The following BLOC1S5 variants were observed in gnomAD, a reference collection of about 807,000 sequenced individuals.
BLOC1S5 encodes biogenesis of lysosome-related organelles complex 1 subunit 5.
BLOC1S5 carries 27 observed loss-of-function variants against 24.3 expected under a neutral mutation model. The observed-to-expected ratio is 1.11, with a 90% CI of 0.82 to 1.53. BLOC1S5 has a LOEUF of 1.53. Among genes scored for constraint, BLOC1S5 ranks in the 40% most tolerant of loss-of-function variants. BLOC1S5 has a pLI of 0.00. For synonymous variants in BLOC1S5, 84 were observed against 74.5 expected, an observed-to-expected ratio of 1.13 and a Z score of -0.66; for missense variants, 239 against 229.4, an observed-to-expected ratio of 1.04 and a Z score of -0.27.
At position 8,035,083 on chromosome 6, in the gene BLOC1S5, A is replaced by G. The variant is rs980597191; in HGVS notation, c.325+6056T>C. Among the ~76,000 whole-genome samples the G allele has an allele frequency of 5.3e-5, 8 of 152,316 alleles. No homozygotes were observed. In the South Asian group the frequency reaches 1.7e-3, roughly 32 times the overall value. ...TACAGACCATTATTCTAAGTAAAGT[A>G]ACTCAGGAATAGAAAACCAAACGTC... On this transcript the variant is annotated intron_variant, in intron 3 of 4. Coordinates refer to ENST00000397457, the MANE Select transcript of BLOC1S5 (RefSeq NM_201280.3).
At chr6:8,060,949 C>T (rs13210823) in intron 2 of BLOC1S5, among the ~76,000 whole-genome samples, 21,018 of 152,156 alleles carry the variant, frequency 0.14, 1,778 homozygotes, top group South Asian at 0.27. Context: ...CTCAGCTTCC[C>T]GAGTAGCTGG....
At chr6:8,050,660 C>T (rs906947795) in intron 2 of BLOC1S5, among the ~76,000 whole-genome samples, 2 of 149,864 alleles carry the variant, frequency 1.3e-5, no homozygotes, top group Non-Finnish European at 3.0e-5. Context: ...TGGAGTGCGG[C>T]GGTGTGATCT....
upstream of BLOC1S5, chr6:8,064,411 G>A (rs377444495): frequency 1.8e-5 from 29 of 1,570,388 alleles, no homozygotes; most frequent in Non-Finnish European, 2.4e-5. Context: ...GCCACGCTGC[G>A]CCTGCGCAAA....
intron 2 of BLOC1S5, among the ~76,000 whole-genome samples, chr6:8,048,982 C>T (rs1764006328): frequency 6.7e-6 from 1 of 148,778 alleles, no homozygotes; most frequent in African/African-American, 2.5e-5. Flanking sequence ...CCACTTCACT[C>T]CAGCCTAGGT....
chr6:8,028,364 T>TAA (rs200405748), intron 3 of BLOC1S5, among the ~76,000 whole-genome samples: 2,408 of 146,082 alleles, frequency 0.016, 28 homozygotes, highest in Non-Finnish European at 0.025. Flanking sequence ...AGAAAATATT[T>TAA]AAAAAAAAAA....
At position 8,022,324 on chromosome 6, in the gene BLOC1S5, A is replaced by G. The variant is rs145287533; in HGVS notation, c.384+4043T>C. 1.7e-3 allele frequency among the ~76,000 whole-genome samples: 258 copies of G among 151,336 alleles called. 1 individual carries two copies. Among genetic ancestry groups the G allele is most frequent in the African/African-American group, 6.0e-3 (248 of 41,228 alleles). ...CCCACAATAAGGAATTATCAGGTCC[A>G]AAGTGCCAACAGTGCTGAGGTTGAG... On this transcript the variant is annotated intron_variant, in intron 4 of 4. Coordinates refer to ENST00000397457, the MANE Select transcript of BLOC1S5 (RefSeq NM_201280.3).
chr6:8,043,420 G>C (rs1763759892), intron 2 of BLOC1S5, among the ~76,000 whole-genome samples: 1 of 152,138 alleles, frequency 6.6e-6, no homozygotes, highest in South Asian at 2.1e-4. Context: ...CTTCATCTCT[G>C]TGGTATTCTT....
At chr6:8,048,163 C>T (rs1763969608) in intron 2 of BLOC1S5, among the ~76,000 whole-genome samples, 1 of 152,190 alleles carries the variant, frequency 6.6e-6, no homozygotes, top group South Asian at 2.1e-4. Context: ...CAGATTATCC[C>T]AGCTTTGTCC....
intron 2 of BLOC1S5, among the ~76,000 whole-genome samples, chr6:8,049,005 G>A (rs1393250683): frequency 3.8e-5 from 4 of 104,550 alleles, no homozygotes; most frequent in Admixed American, 1.1e-4. Flanking sequence ...AAGAGACTCC[G>A]CCTCAAAAGA....
At chr6:8,044,332 T>C (rs1416560713) in intron 2 of BLOC1S5, among the ~76,000 whole-genome samples, 1 of 148,790 alleles carries the variant, frequency 6.7e-6, no homozygotes, top group African/African-American at 2.5e-5. Context: ...CCTCCCACCA[T>C]GATTCTGAGG....
chr6:8,024,479 C>A (rs1229145246), intron 4 of BLOC1S5, among the ~76,000 whole-genome samples: 3 of 148,130 alleles, frequency 2.0e-5, no homozygotes, highest in African/African-American at 7.5e-5. Flanking sequence ...TGCACCACTG[C>A]CCTCCAGCCT....
chr6:8,040,789 G>A (rs1282792588), intron 3 of BLOC1S5, among the ~76,000 whole-genome samples: 2 of 151,956 alleles, frequency 1.3e-5, no homozygotes, highest in Non-Finnish European at 2.9e-5. Context: ...CTGGGAGGCC[G>A]AGGTTGTAGT....
chr6:8,041,285 G>A lies in BLOC1S5; in HGVS notation c.196-17C>T. On this transcript the variant is annotated splice_polypyrimidine_tract_variant and intron_variant, in intron 2 of 4. Coordinates refer to ENST00000397457, the MANE Select transcript of BLOC1S5 (RefSeq NM_201280.3). ...ACGTTTTTCCTATTAAAAGAAAGTA[G>A]ATGACTAATAAATATGGTGTCTTTT... 1.5e-6 allele frequency: 2 copies of A among 1,337,168 alleles called. No individual in the cohort carries two copies. The highest frequency in any genetic ancestry group is 2.1e-6 in the Non-Finnish European group (2 of 959,666). 82.8% of individuals were successfully genotyped at this position (1,337,168 alleles called of 1,614,324 possible). A position where few individuals can be genotyped will look rare whatever the true frequency, so the allele number is the denominator to read the frequency against.
intron 2 of BLOC1S5, among the ~76,000 whole-genome samples, chr6:8,056,718 C>T (rs2113601809): frequency 6.6e-6 from 1 of 152,276 alleles, no homozygotes; most frequent in East Asian, 1.9e-4. Flanking sequence ...TTTGGGGTTC[C>T]AGGGTGCTCC....
At chr6:8,054,355 T>A in intron 2 of BLOC1S5, 2 of 394,234 alleles carry the variant, frequency 5.1e-6, no homozygotes, top group Non-Finnish European at 4.9e-6. Flanking sequence ...TGCCTTTAAC[T>A]ATGGTTTAGT....
chr6:8,042,147 G>T (rs1763716438), intron 2 of BLOC1S5, among the ~76,000 whole-genome samples: 1 of 152,094 alleles, frequency 6.6e-6, no homozygotes, highest in Non-Finnish European at 1.5e-5. Context: ...AAATTGGCAA[G>T]AGAAATACTA....
At chr6:8,025,292 A>G (rs558501703) in intron 4 of BLOC1S5, among the ~76,000 whole-genome samples, 1 of 152,338 alleles carries the variant, frequency 6.6e-6, no homozygotes, top group Non-Finnish European at 1.5e-5. Flanking sequence ...AATTAAAAAT[A>G]TATCTGCTGT....
intron 3 of BLOC1S5, among the ~76,000 whole-genome samples, chr6:8,033,147 C>T (rs1763362257): frequency 1.3e-5 from 2 of 151,998 alleles, no homozygotes; most frequent in African/African-American, 4.8e-5. Flanking sequence ...CATATGGAAC[C>T]AAAAAAGAGC....
At chr6:8,051,707 C>A (rs2815147) in intron 2 of BLOC1S5, among the ~76,000 whole-genome samples, 62,152 of 152,114 alleles carry the variant, frequency 0.41, 14,638 homozygotes, top group East Asian at 0.8. Flanking sequence ...CCGGTGCTCA[C>A]ATACCATTCC....
Sources: allele counts gnomAD v4.1 joint callset (sites outside exome capture counted in the v4.1 genomes callset), GRCh38; gene constraint gnomAD v4.1.1; transcripts MANE v1.5; gene names NCBI Gene and HGNC (gene_info 2026-07-23, HGNC 2026-07-21).